Variants in SMC5 observed in about 807,000 individuals in gnomAD.
SMC5 encodes the protein structural maintenance of chromosomes protein 5.
A neutral mutation model predicts 148.3 loss-of-function variants in SMC5; 88 were observed. That is an observed-to-expected ratio of 0.59 (90% confidence interval 0.50 to 0.71). The LOEUF is 0.71. SMC5 is among the 30% of genes least tolerant of loss of function. The pLI, the probability that SMC5 is intolerant of heterozygous loss-of-function variation, is 0.00. For synonymous variants in SMC5, 421 were observed against 432.8 expected, an observed-to-expected ratio of 0.97 and a Z score of 0.34; for missense variants, 1,142 against 1,298.9, an observed-to-expected ratio of 0.88 and a Z score of 1.86.
chr9:70,327,290 C>G (rs2036105363), intron 17 of SMC5, among the ~76,000 whole-genome samples: 1 of 152,152 alleles, frequency 6.6e-6, no homozygotes, highest in Admixed American at 6.5e-5. Context: ...TGGTTATCAA[C>G]AGGACCCAGG....
intron 9 of SMC5, 124 bp from the exon 10 acceptor site, chr9:70,299,922 G>A: frequency 1.4e-6 from 1 of 709,076 alleles, no homozygotes; most frequent in Non-Finnish European, 2.1e-6. Flanking sequence ...TCCACTATGG[G>A]AGTTACTTGC....
chr9:70,287,652 A>G (rs2034945578), intron 8 of SMC5, among the ~76,000 whole-genome samples: 1 of 152,136 alleles, frequency 6.6e-6, no homozygotes, highest in Non-Finnish European at 1.5e-5. Context: ...CAGGCTGCTC[A>G]TTTAATTTCT....
At chr9:70,318,108 T>A (rs764095855) in intron 13 of SMC5, among the ~76,000 whole-genome samples, 1 of 152,100 alleles carries the variant, frequency 6.6e-6, no homozygotes, top group Non-Finnish European at 1.5e-5. Context: ...AATTGCTAGA[T>A]GCAGTGGCTC....
chr9:70,285,812 A>G (rs1423021188), intron 7 of SMC5, among the ~76,000 whole-genome samples: 1 of 152,198 alleles, frequency 6.6e-6, no homozygotes, highest in Non-Finnish European at 1.5e-5. Context: ...AGAACTCTGC[A>G]TTTGAAATCA....
chr9:70,349,054 T>A (rs188785087), intron 22 of SMC5, among the ~76,000 whole-genome samples: 86 of 151,508 alleles, frequency 5.7e-4, no homozygotes, highest in Middle Eastern at 3.4e-3. Context: ...AACCTTTAAT[T>A]AGTAAGTTTC....
chr9:70,344,516 T>C (rs905400418), intron 18 of SMC5: 2 of 174,800 alleles, frequency 1.1e-5, no homozygotes, highest in African/African-American at 2.4e-5. Context: ...TTGGAACATA[T>C]ATAGTTTTTC....
chr9:70,307,809 A>G (rs74308399), intron 11 of SMC5, among the ~76,000 whole-genome samples: 6,545 of 152,086 alleles, frequency 0.043, 218 homozygotes, highest in East Asian at 0.087. Flanking sequence ...CGGTCAATTC[A>G]TTACTATTTT....
At chr9:70,266,878 G>A (rs1225432940) in intron 2 of SMC5, among the ~76,000 whole-genome samples, 3 of 152,152 alleles carry the variant, frequency 2.0e-5, no homozygotes, top group Non-Finnish European at 2.9e-5. Flanking sequence ...CTACATGGAT[G>A]TCCTTGGTTT....
At chr9:70,306,717 T>C (rs2035509271) in intron 11 of SMC5, among the ~76,000 whole-genome samples, 1 of 152,254 alleles carries the variant, frequency 6.6e-6, no homozygotes, top group Admixed American at 6.5e-5. Flanking sequence ...AACCATATAT[T>C]GATGATACAA....
intron 3 of SMC5, among the ~76,000 whole-genome samples, chr9:70,269,811 G>A (rs754981661): frequency 3.3e-5 from 5 of 152,136 alleles, no homozygotes; most frequent in African/African-American, 4.8e-5. Flanking sequence ...AAAAATAAGC[G>A]TGATACTGGT....
intron 2 of SMC5, among the ~76,000 whole-genome samples, chr9:70,266,138 G>A (rs982191152): frequency 1.3e-5 from 2 of 151,820 alleles, no homozygotes; most frequent in African/African-American, 2.4e-5. Context: ...TGGACACCAC[G>A]TAGACCATAT....
intron 15 of SMC5, among the ~76,000 whole-genome samples, chr9:70,323,275 A>G (rs1222730852): frequency 6.6e-6 from 1 of 152,122 alleles, no homozygotes; most frequent in African/African-American, 2.4e-5. Flanking sequence ...AACTCTCCCC[A>G]CTTTAGCTCC....
At position 70,315,492 on chromosome 9, in the gene SMC5, G is replaced by T; in HGVS notation, c.1720G>T (p.Asp574Tyr). The T allele has an allele frequency of 6.3e-7, 1 of 1,599,088 alleles. No homozygotes were observed. Residue 574 changes from aspartate to tyrosine, a missense_variant, in exon 13 of 25, where the codon GAT (aspartate) becomes TAT (tyrosine). Transcript: ENST00000361138. ...SYLRELFDAP[D>Y]PVMSYLCCQY... ...TTTGAGAGAATTATTTGATGCACCT[G>T]ATCCTGTAATGAGTTACCTTTGCTG...
rs1326750757 is a variant in SMC5 at position 70,271,786 on chromosome 9, G to A, written c.380+3811G>A. Among the ~76,000 whole-genome samples the A allele has an allele frequency of 2.0e-5, 3 of 152,230 alleles. No homozygotes were observed. The East Asian group carries it at 5.8e-4, about 29-fold the overall frequency. On this transcript the variant is annotated intron_variant, in intron 3 of 24. Transcript: ENST00000361138. ...AGGTAATGAGCATGGAGATAATTGG[G>A]GAAATAATATTTCAGGTATAGAGAT...
chr9:70,292,944 C>T (rs1018167238), intron 8 of SMC5, among the ~76,000 whole-genome samples: 4 of 152,026 alleles, frequency 2.6e-5, no homozygotes, highest in African/African-American at 7.2e-5. Flanking sequence ...ATGAGTTATA[C>T]TGTTTTGTAG....
chr9:70,343,613 G>C (rs1243154343), intron 17 of SMC5, among the ~76,000 whole-genome samples: 1 of 151,922 alleles, frequency 6.6e-6, no homozygotes, highest in Non-Finnish European at 1.5e-5. Context: ...GCCAGGAGTT[G>C]GAGACCAGCC....
chr9:70,267,007 T>A (rs1327453134), intron 2 of SMC5, among the ~76,000 whole-genome samples: 1 of 151,678 alleles, frequency 6.6e-6, no homozygotes, highest in East Asian at 1.9e-4. Flanking sequence ...AGCATTAGGC[T>A]GTACTTGGTG....
intron 17 of SMC5, among the ~76,000 whole-genome samples, chr9:70,335,948 A>C (rs2036344159): frequency 6.6e-6 from 1 of 152,216 alleles, no homozygotes; most frequent in Non-Finnish European, 1.5e-5. Flanking sequence ...CATAACATCC[A>C]TGTGTCCGCT....
intron 3 of SMC5, among the ~76,000 whole-genome samples, chr9:70,271,430 A>G (rs1322110377): frequency 2.0e-5 from 3 of 152,200 alleles, no homozygotes; most frequent in African/African-American, 7.2e-5. Context: ...ATTGCCATTA[A>G]ACAAGTATAC....
Sources: gnomAD v4.1 joint callset for allele counts (sites outside exome capture counted in the v4.1 genomes callset) on GRCh38, gnomAD v4.1.1 for gene constraint, MANE v1.5 for transcripts, NCBI Gene and HGNC (gene_info 2026-07-23, HGNC 2026-07-21) for gene names.